ADAR: variants seen among roughly 807,000 people sequenced by gnomAD.
ADAR encodes adenosine deaminase RNA specific.
In ADAR, 41 loss-of-function variants were observed where a neutral mutation model predicts 113.2. That is an observed-to-expected ratio of 0.36 (90% CI 0.28 to 0.47). The LOEUF (loss-of-function observed/expected upper bound fraction) is 0.47, where lower values mean the gene tolerates loss of function less well. ADAR is among the 20% of genes least tolerant of loss of function. ADAR has a pLI of 1.00. For missense variants in ADAR, 1,242 were observed against 1,540.9 expected (o/e 0.81, Z 3.25); for synonymous variants, 605 against 572.6 (o/e 1.06, Z -0.81).
chr1:154,590,003 T>C, intron 7 of ADAR, 75 bp from the exon 8 acceptor site: 2 of 1,585,216 alleles, frequency 1.3e-6, no homozygotes, highest in South Asian at 1.1e-5. Flanking sequence ...GGCAGGGAGA[T>C]CAAGCTCTAC....
intron 1 of ADAR, among the ~76,000 whole-genome samples, chr1:154,624,428 T>C (rs2101704912): frequency 6.6e-6 from 1 of 152,218 alleles, no homozygotes; most frequent in South Asian, 2.1e-4. Flanking sequence ...CCTCCTTGGG[T>C]GGAGGAACTG....
intron 6 of ADAR, among the ~76,000 whole-genome samples, chr1:154,592,042 C>T (rs896794566): frequency 2.0e-5 from 3 of 152,182 alleles, no homozygotes; most frequent in Non-Finnish European, 4.4e-5. Flanking sequence ...GATATATTTA[C>T]ATATATGATA....
At chr1:154,598,708 G>A in intron 2 of ADAR, 123 bp from the exon 3 acceptor site, 1 of 984,256 alleles carries the variant, frequency 1.0e-6, no homozygotes, top group East Asian at 2.4e-5. Flanking sequence ...TGGAGATGAA[G>A]GGTAGGCCAA....
In ADAR at chr1:154,603,041, C is replaced by T. The variant is rs992553614; in HGVS notation, c.16-415G>A. The stretch of plus-strand genomic sequence containing the variant: ...ACAAAAACAGAATAACCTGAAATAA[C>T]CAGAACAATCACATGAAATAACAAT... On this transcript the variant is annotated intron_variant, in intron 1 of 14. Transcript: ENST00000368474. Among the ~76,000 whole-genome samples the T allele has an allele frequency of 3.3e-5, 5 of 152,242 alleles. No individual in the cohort carries two copies. In the East Asian group the frequency reaches 9.6e-4, roughly 29 times the overall value.
intron 6 of ADAR, among the ~76,000 whole-genome samples, chr1:154,596,202 G>A (rs1056803422): frequency 3.3e-5 from 5 of 152,128 alleles, no homozygotes; most frequent in Non-Finnish European, 7.4e-5. Flanking sequence ...AGTCTGAGAC[G>A]GAAATGAGAC....
intron 1 of ADAR, among the ~76,000 whole-genome samples, chr1:154,605,614 C>T (rs1421899501): frequency 2.0e-5 from 3 of 152,160 alleles, no homozygotes; most frequent in South Asian, 4.1e-4. Context: ...TCAATCATCT[C>T]AACCTCTCTA....
At chr1:154,595,611 G>A (rs1227060377) in intron 6 of ADAR, among the ~76,000 whole-genome samples, 4 of 152,068 alleles carry the variant, frequency 2.6e-5, no homozygotes, top group Admixed American at 1.3e-4. Flanking sequence ...TTTAAGCTAA[G>A]TATTATTACA....
At chr1:154,588,050 G>A in intron 11 of ADAR, 75 bp downstream of exon 11, 2 of 1,600,140 alleles carry the variant, frequency 1.2e-6, no homozygotes, top group South Asian at 2.2e-5. Context: ...AATCCTAGCA[G>A]CCTTGTAGAG....
chr1:154,610,858 A>G (rs1698467007), upstream of ADAR, among the ~76,000 whole-genome samples: 1 of 146,210 alleles, frequency 6.8e-6, no homozygotes, highest in Non-Finnish European at 1.5e-5. Context: ...ATTGTGGTTA[A>G]TCACTTCTAG....
chr1:154,586,469 T>C lies in ADAR; in HGVS notation c.3020-106A>G, dbSNP rs915351101. 6 of 1,180,178 alleles carry C rather than the reference T, an allele frequency of 5.1e-6. No homozygotes were observed. In the African/African-American group the frequency reaches 6.1e-5, roughly 12 times the overall value. The allele number at this position is 1,180,178 out of a possible 1,614,324, so 73.1% of individuals were successfully genotyped here. On this transcript the variant is annotated intron_variant, in intron 11 of 14. Transcript: ENST00000368474. ...TTGGGCCACAGGCTACATTCATTCATTCTTCACATATTTCACAGCCCCTGC... is the reference window on the plus strand; with the variant it reads ...TTGGGCCACAGGCTACATTCATTCACTCTTCACATATTTCACAGCCCCTGC...
chr1:154,584,717 A>T lies in ADAR; in HGVS notation c.*89T>A. On this transcript the variant is annotated 3_prime_UTR_variant, in exon 15 of 15. Transcript: ENST00000368474. Reference sequence around the variant, plus strand: ...AAAGAAAAAAAAAGGAGAAAAAAAAATCCCCTGACCATGTGATGAGGAATG... The same window carrying T: ...AAAGAAAAAAAAAGGAGAAAAAAAATTCCCCTGACCATGTGATGAGGAATG... The T allele has an allele frequency of 8.5e-7, 1 of 1,175,022 alleles. No individual in the cohort carries two copies. Among genetic ancestry groups the T allele is most frequent in the South Asian group, 1.4e-5 (1 of 74,020 alleles). The allele number at this position is 1,175,022 out of a possible 1,614,324, so 72.8% of individuals were successfully genotyped here. A position where few individuals can be genotyped will look rare whatever the true frequency, so the allele number is the denominator to read the frequency against.
At position 154,601,786 on chromosome 1, in the gene ADAR, C is replaced by A; in HGVS notation, c.856G>T (p.Ala286Ser). 6.2e-7 allele frequency: 1 copy of A among 1,614,220 alleles called. No individual in the cohort carries two copies. Among genetic ancestry groups the A allele is most frequent in the African/African-American group, 1.3e-5 (1 of 75,042 alleles). The change falls in exon 2 of 15, where the codon GCC becomes TCC. Residue 286 changes from alanine (A) to serine (S), a missense_variant. Around this residue, in one of 2 missense-constraint regions of ADAR, gnomAD observed 462 missense variants for 483.1 expected, o/e 0.96. Transcript: ENST00000368474. The surrounding 1 kb of genome is among the most constrained non-coding windows in gnomAD (Gnocchi z 4.7). Reference sequence around the variant, plus strand: ...AAAAACTCAAGAGGATCTTCCAAGGCAGATGTGGAGTTGCTGTCTTCAGGT... The same window carrying A: ...AAAAACTCAAGAGGATCTTCCAAGGAAGATGTGGAGTTGCTGTCTTCAGGT... ...LEPEDSNSTS[A>S]LEDPLEFLDM...
At chr1:154,625,730 C>T (rs187017965) in intron 1 of ADAR, among the ~76,000 whole-genome samples, 2 of 152,064 alleles carry the variant, frequency 1.3e-5, no homozygotes, top group Non-Finnish European at 2.9e-5. Flanking sequence ...ATAGGCCAGG[C>T]ACGGTGGCTC....
intron 2 of ADAR, chr1:154,600,829 G>T: frequency 1.5e-6 from 1 of 669,018 alleles, no homozygotes; most frequent in South Asian, 1.8e-5. Flanking sequence ...CCTCCCCCTT[G>T]TTCAGCCAAG....
At chr1:154,589,557 C>T (rs991906658) in intron 8 of ADAR, 95 bp from the exon 9 acceptor site, 3 of 1,285,140 alleles carry the variant, frequency 2.3e-6, no homozygotes, top group African/African-American at 1.5e-5. Context: ...AAGGCAGAAA[C>T]AGCCTCAGTT....
At position 154,598,680 on chromosome 1, in the gene ADAR, T is replaced by A. The variant is rs1284964294; in HGVS notation, c.1602-95A>T. 3.1e-6 allele frequency: 4 copies of A among 1,277,890 alleles called. No homozygotes were observed. In the African/African-American group the frequency reaches 8.0e-5, roughly 26 times the overall value. 79.2% of individuals were successfully genotyped at this position (1,277,890 alleles called of 1,614,324 possible). On this transcript the variant is annotated intron_variant, in intron 2 of 14. Coordinates refer to ENST00000368474, the MANE Select transcript of ADAR (RefSeq NM_001111.5). ...TTCAACCTGGAATTTTCTGCTACGC[T>A]AAGGGGCTTTTCACTTGTGGAGATG...
At position 154,584,606 on chromosome 1, in the gene ADAR, G is replaced by T; in HGVS notation, c.*200C>A. The T allele has an allele frequency of 1.7e-6, 1 of 588,384 alleles. No individual in the cohort carries two copies. The highest frequency in any genetic ancestry group is 2.8e-5 in the East Asian group (1 of 35,838). 36.4% of individuals were successfully genotyped at this position (588,384 alleles called of 1,614,324 possible). On this transcript the variant is annotated 3_prime_UTR_variant, in exon 15 of 15. Transcript: ENST00000368474. Reference sequence around the variant, plus strand: ...CTCTTCACTTGGGGGAAAAAAGGGGGGCCTGGCCAGACCTTGCCTAGCAAT... The same window carrying T: ...CTCTTCACTTGGGGGAAAAAAGGGGTGCCTGGCCAGACCTTGCCTAGCAAT...
chr1:154,601,529 A>C lies in ADAR; in HGVS notation c.1113T>G (p.Ser371Arg), dbSNP rs780284489. The change falls in exon 2 of 15, where the codon AGT (serine) becomes AGG (arginine). Residue 371 changes from serine to arginine, a missense_variant. Physicochemically the swap from Ser to Arg is moderately radical, Grantham distance 110. Around this residue, in one of 2 missense-constraint regions of ADAR, gnomAD observed 462 missense variants for 483.1 expected, o/e 0.96. Coordinates refer to ENST00000368474, the MANE Select transcript of ADAR (RefSeq NM_001111.5). This position sits in a 1 kb window ranked among gnomAD's most constrained non-coding sequence, Gnocchi z 4.7. ...TTGCAGCTGGAGCGGTTTCAGGAAC[A>C]CTGTTCGTATTTCTCTTGATTTGCA... is the stretch of plus-strand genomic sequence containing the variant. ...ERMQIKRNTNSVPETAPAAIP... is the reference protein window; with the variant it reads ...ERMQIKRNTNRVPETAPAAIP... The C allele has an allele frequency of 6.2e-7, 1 of 1,613,508 alleles. No homozygotes were observed. The highest frequency in any genetic ancestry group is 1.7e-5 in the Admixed American group (1 of 60,024).
upstream of ADAR, among the ~76,000 whole-genome samples, chr1:154,610,817 AAAAAAAG>A (rs1180234761): frequency 0.012 from 438 of 37,678 alleles, 33 homozygotes; most frequent in African/African-American, 0.033. Context: ...TCAAAAAAAA[AAAAAAAG>A]AAAAAAAAAA....
Sources: allele counts gnomAD v4.1 joint callset (sites outside exome capture counted in the v4.1 genomes callset), GRCh38; gene constraint gnomAD v4.1.1; regional missense constraint gnomAD v4.1.1; non-coding constraint Gnocchi (gnomAD v3.1); transcripts MANE v1.5; gene names NCBI Gene and HGNC (gene_info 2026-07-23, HGNC 2026-07-21).